Variants in C11orf91 observed in about 807,000 individuals in gnomAD.
C11orf91 encodes uncharacterized protein C11orf91.
C11orf91 carries 10 observed loss-of-function variants against 14.3 expected under a neutral mutation model. The observed-to-expected ratio is 0.70, with a 90% CI of 0.43 to 1.18. The LOEUF is 1.18. Ranked by LOEUF, C11orf91 falls within the 50% of genes most tolerant of loss-of-function variation. The pLI, the probability that C11orf91 is intolerant of heterozygous loss-of-function variation, is 0.00. For synonymous variants in C11orf91, 141 were observed against 130.6 expected (o/e 1.08, Z -0.54); for missense variants, 236 against 269.0 (o/e 0.88, Z 0.86).
At chr11:33,699,750 G>A (rs1234159380) in intron 1 of C11orf91, 6 of 398,896 alleles carry the variant, frequency 1.5e-5, no homozygotes, top group African/African-American at 8.3e-5. Context: ...CCCTGGAAAC[G>A]GCCTTGGGCC....
At chr11:33,700,180 C>T (rs1853096668) in intron 1 of C11orf91, 65 bp downstream of exon 1, 2 of 1,468,486 alleles carry the variant, frequency 1.4e-6, no homozygotes, top group Non-Finnish European at 1.8e-6. Flanking sequence ...GGTCGGGGCA[C>T]GGAGCCAAGG....
rs565706379 is a variant in C11orf91, at chr11:33,700,431, C to G, written c.310G>C (p.Glu104Gln). Reference sequence around the variant, plus strand: ...GGTGAGTAGAAGAAGCGCAGAGGCTCGTAGGGGATGGAGGCCAGGCCGGAG... The same window carrying G: ...GGTGAGTAGAAGAAGCGCAGAGGCTGGTAGGGGATGGAGGCCAGGCCGGAG... The part of the protein sequence containing the change: ...WPSGLASIPY[E>Q]PLRFFYSPPP... Residue 104 changes from glutamate (E) to glutamine (Q), a missense_variant, in exon 1 of 2, where the codon GAG (glutamate) becomes CAG (glutamine). Physicochemically the swap from Glu to Gln is conservative, Grantham distance 29 (BLOSUM62 2). Transcript: ENST00000379011. 7.1e-7 allele frequency: 1 copy of G among 1,414,888 alleles called. No homozygotes were observed. Among genetic ancestry groups the G allele is most frequent in the East Asian group, 3.4e-5 (1 of 29,320 alleles). 87.6% of individuals were successfully genotyped at this position (1,414,888 alleles called of 1,614,324 possible). A position where few individuals can be genotyped will look rare whatever the true frequency, so the allele number is the denominator to read the frequency against.
In C11orf91 at chr11:33,698,654, AAAAAACTG is replaced by A; in HGVS notation, c.497-148_497-141del. The A allele has an allele frequency of 4.8e-6, 3 of 620,850 alleles. No individual in the cohort carries two copies. The South Asian group carries it at 6.0e-5, about 12-fold the overall frequency. The allele number at this position is 620,850 out of a possible 1,614,324, so 38.5% of individuals were successfully genotyped here. On this transcript the variant is annotated intron_variant, in intron 1 of 1. Transcript: ENST00000379011. ...GATCCAAGATGGGAGAGAAAAAAAC[AAAAAACTG>A]AAAACTCTGACTGTAAAAACATGTA... is the stretch of plus-strand genomic sequence containing the variant.
chr11:33,698,934 C>A (rs1318314427), intron 1 of C11orf91, among the ~76,000 whole-genome samples: 3 of 151,908 alleles, frequency 2.0e-5, no homozygotes, highest in Admixed American at 2.0e-4. Context: ...ATGTGTGCCA[C>A]CAAGCCCGGC....
upstream of C11orf91, chr11:33,702,912 T>C (rs1176082135): frequency 6.4e-6 from 1 of 157,400 alleles, no homozygotes. Flanking sequence ...AGTAATGGCA[T>C]CTACTTGCTT....
rs1355357993 is a variant in C11orf91 at position 33,698,278 on chromosome 11, G to A, written c.*151C>T. 3.3e-6 allele frequency: 2 copies of A among 612,114 alleles called. No homozygotes were observed. The highest frequency in any genetic ancestry group is 5.6e-5 in the East Asian group (2 of 35,740). The allele number at this position is 612,114 out of a possible 1,614,324, so 37.9% of individuals were successfully genotyped here. On this transcript the variant is annotated 3_prime_UTR_variant, in exon 2 of 2. Coordinates refer to ENST00000379011, the MANE Select transcript of C11orf91 (RefSeq NM_001166692.2). ...CCATGAGATTTACCACACAAAGTGGGCACTGTATGTGAAGTACATGCTGGT... is the reference window on the plus strand; with the variant it reads ...CCATGAGATTTACCACACAAAGTGGACACTGTATGTGAAGTACATGCTGGT...
At chr11:33,702,714 A>G (rs1288231891), upstream of C11orf91, 1 of 394,852 alleles carries the variant, frequency 2.5e-6, no homozygotes, top group Non-Finnish European at 5.0e-6. Context: ...TGTCAGTTTA[A>G]TTCTCAGGCC....
Position 33,700,322 on chromosome 11 carries a change from T to C in C11orf91, c.419A>G (p.Glu140Gly). 1 of 1,534,948 alleles carries C rather than the reference T, an allele frequency of 6.5e-7. No individual in the cohort carries two copies. The change falls in exon 1 of 2, where the codon GAG (glutamate) becomes GGG (glycine). Residue 140 changes from glutamate to glycine, a missense_variant. Transcript: ENST00000379011. ...PRLASASHPE[E>G]LCELEIRIKE... is the part of the protein sequence containing the mutation. ...AATCCGGATCTCCAGCTCGCAGAGCTCCTCCGGGTGGGAGGCAGAGGCGAG... is the reference window on the plus strand; with the variant it reads ...AATCCGGATCTCCAGCTCGCAGAGCCCCTCCGGGTGGGAGGCAGAGGCGAG...
intron 1 of C11orf91, chr11:33,699,612 G>T (rs1455415544): frequency 2.2e-6 from 1 of 456,292 alleles, no homozygotes; most frequent in South Asian, 1.5e-5. Context: ...GTGGTCCAGA[G>T]CCCTAAGACT....
chr11:33,700,545 AC>A lies in C11orf91; in HGVS notation c.195del (p.Ser66ProfsTer104). ...GGCGCCGGGGCGGGGAGCGCCTGGGACAGGGACCGGGCCCCCGCCGCCCCGC... is the reference window on the plus strand; with the variant it reads ...GGCGCCGGGGCGGGGAGCGCCTGGGAAGGGACCGGGCCCCCGCCGCCCCGC... ...PVGGAAGARSLSQALPAPAPP... is the reference protein window; with the variant it reads ...PVGGAAGARSXSQALPAPAPP... On this transcript the variant is annotated frameshift_variant, in exon 1 of 2. Coordinates refer to ENST00000379011, the MANE Select transcript of C11orf91 (RefSeq NM_001166692.2). LOFTEE classifies it high-confidence loss of function. The A allele has an allele frequency of 2.1e-6, 3 of 1,417,224 alleles. No individual in the cohort carries two copies. The highest frequency in any genetic ancestry group is 2.8e-6 in the Non-Finnish European group (3 of 1,087,428). 87.8% of individuals were successfully genotyped at this position (1,417,224 alleles called of 1,614,324 possible). A position where few individuals can be genotyped will look rare whatever the true frequency, so the allele number is the denominator to read the frequency against.
In C11orf91 at chr11:33,700,387, C is replaced by G. The variant is rs894207490; in HGVS notation, c.354G>C (p.Val118=). 5 of 1,532,754 alleles carry G rather than the reference C, an allele frequency of 3.3e-6. No individual in the cohort carries two copies. The highest frequency in any genetic ancestry group is 4.4e-6 in the Non-Finnish European group (5 of 1,145,492). 94.9% of individuals were successfully genotyped at this position (1,532,754 alleles called of 1,614,324 possible). ...GGCAGGGGACCAGGGGCGAGGCAAC[C>G]ACCTCAGGCCCCGGCGGCGGTGAGT... is the stretch of plus-strand genomic sequence containing the variant. ...FFYSPPPGPE[V]VASPLVPCPS... is the part of the protein sequence containing the mutation. The change falls in exon 1 of 2, where the codon GTG becomes GTC. Residue 118 remains valine (V), a synonymous_variant. Coordinates refer to ENST00000379011, the MANE Select transcript of C11orf91 (RefSeq NM_001166692.2).
rs1432356734 is a variant in C11orf91, at chr11:33,700,298, A to G, written c.443T>C (p.Ile148Thr). ...PEELCELEIR[I>T]KELELLTITG... ...GATGGTGAGCAACTCCAGCTCCTTAATCCGGATCTCCAGCTCGCAGAGCTC... is the reference window on the plus strand; with the variant it reads ...GATGGTGAGCAACTCCAGCTCCTTAGTCCGGATCTCCAGCTCGCAGAGCTC... The change falls in exon 1 of 2, where the codon ATT becomes ACT. Residue 148 changes from isoleucine (I) to threonine (T), a missense_variant. Transcript: ENST00000379011. 6 of 1,535,140 alleles carry G rather than the reference A, an allele frequency of 3.9e-6. No homozygotes were observed. The highest frequency in any genetic ancestry group is 3.5e-6 in the Non-Finnish European group (4 of 1,146,614).
intron 1 of C11orf91, among the ~76,000 whole-genome samples, chr11:33,698,795 T>C (rs1853070986): frequency 7.5e-6 from 1 of 134,060 alleles, no homozygotes; most frequent in Admixed American, 7.6e-5. Flanking sequence ...TTTTTTTTTT[T>C]TTTGAGAGGG....
At chr11:33,706,463 A>G in the C11orf91 span, 1 of 151,768 alleles carries the variant, frequency 6.6e-6, no homozygotes, top group Non-Finnish European at 1.5e-5. Flanking sequence ...GCATCTTCCT[A>G]TCTGGCAGAC....
At chr11:33,699,682 C>A (rs755098120) in intron 1 of C11orf91, 9 of 455,596 alleles carry the variant, frequency 2.0e-5, no homozygotes, top group Non-Finnish European at 3.5e-5. Flanking sequence ...GGCGCCAAGG[C>A]CACAGAGTCC....
At chr11:33,702,671 C>T (rs1226255266), upstream of C11orf91, 5 of 318,818 alleles carry the variant, frequency 1.6e-5, no homozygotes, top group South Asian at 4.8e-5. Flanking sequence ...CATGTACCTG[C>T]GTAATAAACT....
upstream of C11orf91, chr11:33,704,506 C>T (rs1203162647): frequency 6.6e-6 from 1 of 152,190 alleles, no homozygotes; most frequent in Non-Finnish European, 1.5e-5. Context: ...ACCTGAGAAG[C>T]TGCTTCTACG....
chr11:33,700,140 G>C, intron 1 of C11orf91, 105 bp downstream of exon 1: 9 of 1,265,830 alleles, frequency 7.1e-6, no homozygotes, highest in Non-Finnish European at 9.6e-6. Context: ...GGGACTACTG[G>C]GGGCTGGAGT....
Position 33,700,557 on chromosome 11 carries a change from C to T in C11orf91, c.184G>A (p.Ala62Thr), listed in dbSNP as rs1483189707. The change falls in exon 1 of 2, where the codon GCC (alanine) becomes ACC (threonine). Residue 62 changes from alanine (A) to threonine (T), a missense_variant. Ala to Thr is a moderately conservative substitution (Grantham distance 58, BLOSUM62 0). Coordinates refer to ENST00000379011, the MANE Select transcript of C11orf91 (RefSeq NM_001166692.2). ...GGGAGCGCCTGGGACAGGGACCGGG[C>T]CCCCGCCGCCCCGCCCACTGGCGCC... ...GGAPVGGAAG[A>T]RSLSQALPAP... 9 of 1,438,132 alleles carry T rather than the reference C, an allele frequency of 6.3e-6. No homozygotes were observed. Among genetic ancestry groups the T allele is most frequent in the Middle Eastern group, 2.4e-4 (1 of 4,106 alleles). The allele number at this position is 1,438,132 out of a possible 1,614,324, so 89.1% of individuals were successfully genotyped here. A position where few individuals can be genotyped will look rare whatever the true frequency, so the allele number is the denominator to read the frequency against.
Sources: allele counts gnomAD v4.1 joint callset (sites outside exome capture counted in the v4.1 genomes callset), GRCh38; gene constraint gnomAD v4.1.1; transcripts MANE v1.5; gene names NCBI Gene and HGNC (gene_info 2026-07-23, HGNC 2026-07-21).